ATG10: variants seen among roughly 807,000 people sequenced by gnomAD.
ATG10 encodes autophagy related 10.
In ATG10, 30 loss-of-function variants were observed where a neutral mutation model predicts 32.1. The ratio of observed to expected loss-of-function variants is 0.94; its 90% CI spans 0.70 to 1.27. The LOEUF is 1.27. Among genes scored for constraint, ATG10 ranks in the 50% most tolerant of loss-of-function variants. The probability of loss-of-function intolerance (pLI) is 0.00; values close to 1 mark genes in which losing one functional copy is unlikely to be tolerated. For synonymous variants in ATG10, 87 were observed against 91.5 expected (o/e 0.95, Z 0.28); for missense variants, 233 against 262.3 (o/e 0.89, Z 0.77).
chr5:82,090,600 G>A (rs1011388355), intron 3 of ATG10, among the ~76,000 whole-genome samples: 1 of 152,146 alleles, frequency 6.6e-6, no homozygotes, highest in African/African-American at 2.4e-5. Flanking sequence ...TAAATAAGGG[G>A]TGGGGATAGG....
intron 3 of ATG10, chr5:82,147,593 A>G (rs1767415472): frequency 6.6e-6 from 1 of 152,202 alleles, no homozygotes; most frequent in Non-Finnish European, 1.5e-5. Context: ...GTGGCATAGA[A>G]CTCAATTCAG....
intron 7 of ATG10, 37 bp downstream of exon 7, chr5:82,253,466 C>G: frequency 1.5e-6 from 2 of 1,363,916 alleles, no homozygotes; most frequent in South Asian, 1.2e-5. Context: ...TTTGCCGTTA[C>G]AAAGATCAAT....
chr5:82,027,673 C>T (rs528517996), intron 2 of ATG10, among the ~76,000 whole-genome samples: 14 of 152,254 alleles, frequency 9.2e-5, no homozygotes, highest in African/African-American at 3.1e-4. Flanking sequence ...AGATATTGTT[C>T]TTACTTTTCA....
intron 3 of ATG10, among the ~76,000 whole-genome samples, chr5:82,139,562 T>C (rs1449483666): frequency 1.2e-4 from 17 of 140,980 alleles, no homozygotes; most frequent in South Asian, 2.4e-4. Flanking sequence ...GGAGCGTCTC[T>C]GCCCGGCCGC....
At chr5:82,042,979 C>G (rs1273875388) in intron 2 of ATG10, among the ~76,000 whole-genome samples, 1 of 152,178 alleles carries the variant, frequency 6.6e-6, no homozygotes, top group Non-Finnish European at 1.5e-5. Flanking sequence ...TGGCCCTTTT[C>G]TCACAGGTCC....
At position 82,175,889 on chromosome 5, in the gene ATG10, A is replaced by G. The variant is rs529351869; in HGVS notation, c.356-2601A>G. 5.5e-4 allele frequency among the ~76,000 whole-genome samples: 71 copies of G among 128,682 alleles called. 1 individual carries two copies. The highest frequency in any genetic ancestry group is 9.3e-4 in the Non-Finnish European group (52 of 55,758). 84.4% of individuals were successfully genotyped at this position (128,682 alleles called of 152,430 possible). A position where few individuals can be genotyped will look rare whatever the true frequency, so the allele number is the denominator to read the frequency against. Reference sequence around the variant, plus strand: ...TGTTTATTTTCACACACACACACGCACACACACACACACACACACCCCAAG... The same window carrying G: ...TGTTTATTTTCACACACACACACGCGCACACACACACACACACACCCCAAG... On this transcript the variant is annotated intron_variant, in intron 4 of 7. Transcript: ENST00000282185.
chr5:81,973,123 T>C (rs1213738154), intron 1 of ATG10: 1 of 152,246 alleles, frequency 6.6e-6, no homozygotes, highest in Non-Finnish European at 1.5e-5. Flanking sequence ...TGTAGGATAT[T>C]AGCCATTTTT....
At chr5:82,248,946 G>T (rs1747137722) in intron 5 of ATG10, among the ~76,000 whole-genome samples, 1 of 151,726 alleles carries the variant, frequency 6.6e-6, no homozygotes, top group African/African-American at 2.4e-5. Flanking sequence ...AAAGGATAAA[G>T]AATTTTTTAA....
intron 1 of ATG10, among the ~76,000 whole-genome samples, chr5:81,980,252 C>T (rs1458284249): frequency 6.6e-6 from 1 of 151,990 alleles, no homozygotes; most frequent in East Asian, 1.9e-4. Context: ...TAGATAATTC[C>T]TCGGTTTGAT....
intron 5 of ATG10, among the ~76,000 whole-genome samples, chr5:82,222,940 T>G (rs1019090628): frequency 6.6e-6 from 1 of 152,258 alleles, no homozygotes; most frequent in African/African-American, 2.4e-5. Context: ...GTAATTTGTA[T>G]GCCGGGTACT....
intron 5 of ATG10, among the ~76,000 whole-genome samples, chr5:82,207,615 A>G (rs1023821752): frequency 2.0e-4 from 31 of 152,206 alleles, no homozygotes; most frequent in African/African-American, 7.2e-4. Flanking sequence ...CTTGATAACC[A>G]GAAGTTTTTA....
intron 3 of ATG10, among the ~76,000 whole-genome samples, chr5:82,156,124 C>T (rs1382629216): frequency 6.9e-6 from 1 of 144,314 alleles, no homozygotes; most frequent in Non-Finnish European, 1.5e-5. Flanking sequence ...AATGGAAGTG[C>T]ATTTAGGCTC....
intron 2 of ATG10, among the ~76,000 whole-genome samples, chr5:82,015,257 A>G (rs950835487): frequency 6.6e-6 from 1 of 152,124 alleles, no homozygotes; most frequent in Admixed American, 6.5e-5. Context: ...GCTGCCCTTA[A>G]TATTTTTTCC....
At chr5:82,163,085 C>T (rs1458280834) in intron 3 of ATG10, among the ~76,000 whole-genome samples, 1 of 150,660 alleles carries the variant, frequency 6.6e-6, no homozygotes, top group African/African-American at 2.4e-5. Context: ...CTAAGCAACC[C>T]AATTATTGAC....
At chr5:81,991,863 C>T (rs1469569667) in intron 2 of ATG10, 2 of 152,074 alleles carry the variant, frequency 1.3e-5, no homozygotes, top group Non-Finnish European at 2.9e-5. Flanking sequence ...TTTTTAGAGA[C>T]AGGGTCTCTG....
chr5:82,040,855 C>T (rs1763063538), intron 2 of ATG10, among the ~76,000 whole-genome samples: 1 of 152,150 alleles, frequency 6.6e-6, no homozygotes, highest in South Asian at 2.1e-4. Flanking sequence ...GATGATCTGG[C>T]TCTATTGGCT....
chr5:81,975,368 T>G (rs1404685320), intron 1 of ATG10, among the ~76,000 whole-genome samples: 2 of 152,198 alleles, frequency 1.3e-5, no homozygotes, highest in African/African-American at 2.4e-5. Flanking sequence ...AAAGACTGTA[T>G]TATACTTCTT....
At chr5:82,065,253 A>G (rs1231426419) in intron 3 of ATG10, among the ~76,000 whole-genome samples, 1 of 152,096 alleles carries the variant, frequency 6.6e-6, no homozygotes, top group Admixed American at 6.6e-5. Flanking sequence ...TGGGAGGCCG[A>G]GTCGGGGCGG....
chr5:82,007,004 C>G (rs1762002344), intron 2 of ATG10, among the ~76,000 whole-genome samples: 1 of 152,082 alleles, frequency 6.6e-6, no homozygotes, highest in African/African-American at 2.4e-5. Context: ...CAGGTGCGTG[C>G]CACCATGCCC....
Sources: allele counts gnomAD v4.1 joint callset (sites outside exome capture counted in the v4.1 genomes callset), GRCh38; gene constraint gnomAD v4.1.1; transcripts MANE v1.5; gene names NCBI Gene and HGNC (gene_info 2026-07-23, HGNC 2026-07-21).